The following TIAM2 variants were observed in gnomAD, a reference collection of about 807,000 sequenced individuals.
The protein encoded by TIAM2 is rho guanine nucleotide exchange factor TIAM2.
TIAM2 carries 80 observed loss-of-function variants against 152.9 expected under a neutral mutation model. That is an observed-to-expected ratio of 0.52 (90% confidence interval 0.44 to 0.63). The LOEUF is 0.63. TIAM2 is among the 30% of genes least tolerant of loss of function. The pLI, the probability that TIAM2 is intolerant of heterozygous loss-of-function variation, is 0.00. For synonymous variants in TIAM2, 804 were observed against 838.0 expected (o/e 0.96, Z 0.70); for missense variants, 1,965 against 2,120.1 (o/e 0.93, Z 1.44).
chr6:155,056,868 C>T (rs1232541815), intron 1 of TIAM2, among the ~76,000 whole-genome samples: 1 of 151,906 alleles, frequency 6.6e-6, no homozygotes, highest in Non-Finnish European at 1.5e-5. Flanking sequence ...AGGAGCCCAT[C>T]CAGCATATCA....
At position 155,174,365 on chromosome 6, in the gene TIAM2, G is replaced by A. The variant is rs148108077; in HGVS notation, c.2362-2451G>A. Among the ~76,000 whole-genome samples, 68 of 152,024 alleles carry A rather than the reference G, an allele frequency of 4.5e-4. No individual in the cohort carries two copies. Among genetic ancestry groups the A allele is most frequent in the African/African-American group, 1.6e-3 (66 of 41,490 alleles). On this transcript the variant is annotated intron_variant, in intron 9 of 26. Transcript: ENST00000682666. The surrounding 1 kb of genome is among the most constrained non-coding windows in gnomAD (Gnocchi z 4.2). ...AGGAGCTTGTTTCATTTGGTCTCACGAGATGCAGTCTTTTTTTTTTTTTGA... is the reference window on the plus strand; with the variant it reads ...AGGAGCTTGTTTCATTTGGTCTCACAAGATGCAGTCTTTTTTTTTTTTTGA...
chr6:155,180,070 G>A (rs1418962502), intron 12 of TIAM2, among the ~76,000 whole-genome samples: 7 of 152,052 alleles, frequency 4.6e-5, no homozygotes, highest in Admixed American at 1.3e-4. Flanking sequence ...ACCTGAGGTC[G>A]GGAGTTCGAG....
chr6:155,125,812 T>C (rs1336235580), intron 2 of TIAM2, among the ~76,000 whole-genome samples: 1 of 151,522 alleles, frequency 6.6e-6, no homozygotes, highest in East Asian at 1.9e-4. Flanking sequence ...CACTCCAGCC[T>C]GGACGACAGA....
chr6:155,172,662 ATATATATATATATATATATATATATTTTT>A (rs1456287411), intron 9 of TIAM2, among the ~76,000 whole-genome samples: 238 of 8,916 alleles, frequency 0.027, 2 homozygotes, highest in African/African-American at 0.054. Flanking sequence ...ATATATATAT[ATATATATATATATATATATATATATTTTT>A]TTTTTTTTTT....
chr6:155,211,373 T>C lies in TIAM2; in HGVS notation c.3168+66T>C, dbSNP rs112428142. The C allele has an allele frequency of 4.7e-3, 6,270 of 1,331,362 alleles. 234 individuals carry two copies. The African/African-American group carries it at 0.079, about 17-fold the overall frequency. The allele number at this position is 1,331,362 out of a possible 1,614,324, so 82.5% of individuals were successfully genotyped here. A position where few individuals can be genotyped will look rare whatever the true frequency, so the allele number is the denominator to read the frequency against. ...GCGAGTGTTAGTTCCCACCTTTACCTAAGGTGGGGAAAGGAGATGGAGTTA... is the reference window on the plus strand; with the variant it reads ...GCGAGTGTTAGTTCCCACCTTTACCCAAGGTGGGGAAAGGAGATGGAGTTA... On this transcript the variant is annotated intron_variant, in intron 15 of 26. Coordinates refer to ENST00000682666, the MANE Select transcript of TIAM2 (RefSeq NM_012454.4).
chr6:155,028,322 TATACTACATATA>T, intron 1 of TIAM2, among the ~76,000 whole-genome samples: 1 of 106,414 alleles, frequency 9.4e-6, no homozygotes, highest in African/African-American at 4.8e-5. Flanking sequence ...GTGTTACATA[TATACTACATATA>T]ATATATACTG....
At chr6:155,253,259 A>C in intron 24 of TIAM2, 1 of 502,654 alleles carries the variant, frequency 2.0e-6, no homozygotes, top group Admixed American at 3.4e-5. Flanking sequence ...TTCTTTGCCA[A>C]ATGCCTTTCA....
In TIAM2 at chr6:155,029,351, TAC is replaced by T. The variant is rs1300083079; in HGVS notation, c.-209+33860_-209+33861del. ...TACTATGTGTTATATATAATATATA[TAC>T]GTTATATATAATATATACTATATAT... is the stretch of plus-strand genomic sequence containing the variant. On this transcript the variant is annotated intron_variant, in intron 1 of 26. Transcript: ENST00000682666. 2.0e-5 allele frequency among the ~76,000 whole-genome samples: 2 copies of T among 98,258 alleles called. 1 individual carries two copies. The highest frequency in any genetic ancestry group is 8.0e-5 in the African/African-American group (2 of 25,130). The allele number at this position is 98,258 out of a possible 152,430, so 64.5% of individuals were successfully genotyped here. A position where few individuals can be genotyped will look rare whatever the true frequency, so the allele number is the denominator to read the frequency against.
intron 1 of TIAM2, among the ~76,000 whole-genome samples, chr6:155,053,750 A>G (rs1199544609): frequency 2.6e-5 from 4 of 151,980 alleles, no homozygotes; most frequent in Non-Finnish European, 5.9e-5. Flanking sequence ...GGATTACAGG[A>G]ATGAGCCACT....
chr6:155,148,187 T>C lies in TIAM2; in HGVS notation c.1881T>C (p.His627=). 2 of 1,613,484 alleles carry C rather than the reference T, an allele frequency of 1.2e-6. No homozygotes were observed. Among genetic ancestry groups the C allele is most frequent in the Non-Finnish European group, 8.5e-7 (1 of 1,179,986 alleles). The change falls in exon 7 of 27, where the codon CAT becomes CAC. Residue 627 remains histidine, a synonymous_variant. Transcript: ENST00000682666. ...GTGCATCCCTTTTTGCAAAGAAGCA[T>C]GGGAAAGAGGACACGCTGCGGCTGC... ...SACASLFAKK[H]GKEDTLRLLK...
At chr6:155,005,257 GC>G in intron 1 of TIAM2, 1 of 226,468 alleles carries the variant, frequency 4.4e-6, no homozygotes, top group Non-Finnish European at 9.6e-6. Flanking sequence ...CTGGAAGCAG[GC>G]CAGGCATCCT....
At chr6:155,208,016 A>T (rs1205225325) in intron 14 of TIAM2, among the ~76,000 whole-genome samples, 2 of 152,016 alleles carry the variant, frequency 1.3e-5, no homozygotes, top group Non-Finnish European at 1.5e-5. Context: ...AAAGCTCCTT[A>T]TGCCCTTGCC....
intron 1 of TIAM2, among the ~76,000 whole-genome samples, chr6:155,003,965 T>C (rs1163701631): frequency 2.0e-5 from 3 of 152,088 alleles, no homozygotes; most frequent in Non-Finnish European, 4.4e-5. Flanking sequence ...CTCTCCCAAC[T>C]CCCCCCAGAA....
chr6:155,117,563 C>T (rs1419493133), intron 2 of TIAM2, among the ~76,000 whole-genome samples: 3 of 152,212 alleles, frequency 2.0e-5, no homozygotes, highest in Non-Finnish European at 4.4e-5. Flanking sequence ...CTGTCTCAGC[C>T]TCCCGAGTAG....
intron 1 of TIAM2, among the ~76,000 whole-genome samples, chr6:155,039,600 T>C (rs979477156): frequency 2.9e-5 from 4 of 139,166 alleles, no homozygotes; most frequent in African/African-American, 1.0e-4. Context: ...GACCTCATGC[T>C]CTTACAATTT....
At chr6:155,176,716 TTACTC>T in intron 9 of TIAM2, 95 bp from the exon 10 acceptor site, 1 of 1,308,144 alleles carries the variant, frequency 7.6e-7, no homozygotes, top group Non-Finnish European at 1.1e-6. Context: ...GTGTGAGCGT[TTACTC>T]TAAATACTCC....
chr6:155,057,117 C>T lies in TIAM2; in HGVS notation c.-208-33172C>T, dbSNP rs191560704. Among the ~76,000 whole-genome samples, 743 of 149,008 alleles carry T rather than the reference C, an allele frequency of 5.0e-3. 5 individuals carry two copies. The highest frequency in any genetic ancestry group is 0.017 in the African/African-American group (697 of 40,598). On this transcript the variant is annotated intron_variant, in intron 1 of 26. Coordinates refer to ENST00000682666, the MANE Select transcript of TIAM2 (RefSeq NM_012454.4). ...AATCTCGGTTCACTGCATCCTCTGC[C>T]CCCCAGGTTCAAGCGACCCTCTTAA...
At chr6:155,039,949 T>G (rs1472980947) in intron 1 of TIAM2, among the ~76,000 whole-genome samples, 4 of 152,216 alleles carry the variant, frequency 2.6e-5, no homozygotes, top group African/African-American at 7.2e-5. Context: ...TCAACTATAG[T>G]TCCTGTTTAA....
At chr6:155,249,792 T>G in intron 20 of TIAM2, 59 bp from the exon 21 acceptor site, 1 of 1,426,818 alleles carries the variant, frequency 7.0e-7, no homozygotes, top group South Asian at 1.3e-5. Flanking sequence ...ATTATTACTG[T>G]TGGATAGAAT....
Sources: allele counts gnomAD v4.1 joint callset (sites outside exome capture counted in the v4.1 genomes callset), GRCh38; gene constraint gnomAD v4.1.1; non-coding constraint Gnocchi (gnomAD v3.1); transcripts MANE v1.5; gene names NCBI Gene and HGNC (gene_info 2026-07-23, HGNC 2026-07-21).